Variants in METTL3 observed in about 807,000 individuals in gnomAD.
METTL3 encodes the protein methyltransferase 3, N6-adenosine-methyltransferase complex catalytic subunit.
A neutral mutation model predicts 64.3 loss-of-function variants in METTL3; 42 were observed. That is an observed-to-expected ratio of 0.65 (90% CI 0.51 to 0.84). METTL3 has a LOEUF of 0.84. Ranked by LOEUF, METTL3 falls within the 40% of genes least tolerant of loss-of-function variation. The probability of loss-of-function intolerance (pLI) is 0.00; values close to 1 mark genes in which losing one functional copy is unlikely to be tolerated. For missense variants in METTL3, 435 were observed against 722.3 expected (o/e 0.60, Z 4.56); for synonymous variants, 256 against 263.6 (o/e 0.97, Z 0.28).
chr14:21,499,951 AGAAC>A, intron 6 of METTL3, 149 bp from the exon 7 acceptor site: 1 of 721,934 alleles, frequency 1.4e-6, no homozygotes. Context: ...GGTGGATCTA[AGAAC>A]GAAAAGATAA....
intron 5 of METTL3, 83 bp from the exon 6 acceptor site, chr14:21,500,765 C>T (rs1001775762): frequency 2.4e-5 from 36 of 1,494,474 alleles, no homozygotes; most frequent in Non-Finnish European, 3.3e-5. Flanking sequence ...TTTGATTTTT[C>T]CTATTCCCTT....
intron 1 of METTL3, among the ~76,000 whole-genome samples, chr14:21,509,816 AT>A (rs1891788920): frequency 6.6e-6 from 1 of 152,244 alleles, no homozygotes; most frequent in Admixed American, 6.5e-5. Context: ...GTATCTATAA[AT>A]AAATCAATGA....
intron 9 of METTL3, 59 bp downstream of exon 9, chr14:21,499,247 A>C: frequency 1.2e-6 from 2 of 1,602,778 alleles, no homozygotes; most frequent in South Asian, 2.2e-5. Flanking sequence ...AATACACCCA[A>C]CATGAATAAC....
At chr14:21,510,950 G>A in intron 1 of METTL3, 174 bp downstream of exon 1, 1 of 699,158 alleles carries the variant, frequency 1.4e-6, no homozygotes. Flanking sequence ...GAGGAACCGC[G>A]AACTACTTGC....
At chr14:21,510,768 C>T (rs916352530) in intron 1 of METTL3, 15 of 243,496 alleles carry the variant, frequency 6.2e-5, no homozygotes, top group Non-Finnish European at 5.7e-5. Context: ...GGGAACAAAG[C>T]GCCAAAGCAG....
At position 21,503,232 on chromosome 14, in the gene METTL3, C is replaced by A. The variant is rs1891613703; in HGVS notation, c.664G>T (p.Asp222Tyr). 1 of 1,614,022 alleles carries A rather than the reference C, an allele frequency of 6.2e-7. No individual in the cohort carries two copies. The highest frequency in any genetic ancestry group is 8.5e-7 in the Non-Finnish European group (1 of 1,180,012). ...TTCAGAAGGCTCTCTATCTCCAGAT[C>A]AACATCTGAGGCAGCATGTTTCCTT... ...KSRKHAASDV[D>Y]LEIESLLNQQ... The change falls in exon 3 of 11, where the codon GAT becomes TAT. Residue 222 changes from aspartate (D) to tyrosine (Y), a missense_variant. Transcript: ENST00000298717.
chr14:21,500,975 C>T lies in METTL3; in HGVS notation c.1054G>A (p.Glu352Lys), dbSNP rs150090922. 23 of 1,614,136 alleles carry T rather than the reference C, an allele frequency of 1.4e-5. No homozygotes were observed. Among genetic ancestry groups the T allele is most frequent in the Non-Finnish European group, 1.8e-5 (21 of 1,180,014 alleles). The change falls in exon 5 of 11, where the codon GAG becomes AAG. Residue 352 changes from glutamate (E) to lysine (K), a missense_variant. This residue lies in a region of METTL3 where 67 missense variants were observed against 71.5 expected (regional missense o/e 0.94). Coordinates refer to ENST00000298717, the MANE Select transcript of METTL3 (RefSeq NM_019852.5). ...CCGACACTCTGTGTAAGAGCAAGCT[C>T]CTGGCTTGGCGTGTGGTCTTTGCTG... ...PGSKDHTPSQ[E>K]LALTQSVGGD...
chr14:21,511,256 A>C lies in METTL3; in HGVS notation c.-33T>G. The C allele has an allele frequency of 6.2e-7, 1 of 1,602,766 alleles. No homozygotes were observed. ...TCCCAGCCCTGACACCTCTCGAATA[A>C]GGCGCGGCGGACTAGCACCTCCCAG... is the stretch of plus-strand genomic sequence containing the variant. On this transcript the variant is annotated 5_prime_UTR_variant, in exon 1 of 11. Coordinates refer to ENST00000298717, the MANE Select transcript of METTL3 (RefSeq NM_019852.5).
Position 21,511,142 on chromosome 14 carries a change from G to A in METTL3, c.82C>T (p.Gln28Ter). The A allele has an allele frequency of 1.9e-6, 3 of 1,614,066 alleles. No individual in the cohort carries two copies. The highest frequency in any genetic ancestry group is 2.5e-6 in the Non-Finnish European group (3 of 1,179,992). The change falls in exon 1 of 11, where the codon CAG becomes TAG. Residue 28 changes from glutamine to a stop codon, truncating the protein, a stop_gained. Transcript: ENST00000298717. LOFTEE classifies it high-confidence loss of function. The stretch of plus-strand genomic sequence containing the variant: ...GCCTCACCCAAGTGCCCCGAGTCCT[G>A]CTTCCGCCTCCGCTGCAGCCTCTCC... ...LRERLQRRRKQDSGHLDLRNP... is the reference protein window; with the variant it reads ...LRERLQRRRK
At chr14:21,499,840 A>C (rs375954631) in intron 6 of METTL3, 38 bp from the exon 7 acceptor site, 1 of 1,601,572 alleles carries the variant, frequency 6.2e-7, no homozygotes, top group Non-Finnish European at 8.5e-7. Context: ...TTGTATGCCC[A>C]TATTTTTTTT....
intron 10 of METTL3, chr14:21,498,720 A>G: frequency 2.2e-6 from 1 of 462,188 alleles, no homozygotes; most frequent in Non-Finnish European, 3.9e-6. Flanking sequence ...GACAGATTAA[A>G]TAGATAACTT....
At chr14:21,504,267 A>G (rs2139646412) in intron 1 of METTL3, 1 of 199,462 alleles carries the variant, frequency 5.0e-6, no homozygotes, top group Non-Finnish European at 1.0e-5. Flanking sequence ...TTTTTGAGGC[A>G]TGTAGTGTGA....
intron 1 of METTL3, among the ~76,000 whole-genome samples, chr14:21,509,780 GA>G (rs1481412928): frequency 1.3e-5 from 2 of 151,890 alleles, no homozygotes; most frequent in Non-Finnish European, 1.5e-5. Flanking sequence ...AAGAATAGGG[GA>G]AAAAACATAA....
intron 4 of METTL3, chr14:21,501,395 T>G: frequency 1.8e-6 from 1 of 551,324 alleles, no homozygotes; most frequent in East Asian, 3.2e-5. Context: ...TAGAACAGAA[T>G]AAAACACTGA....
rs767338483 is a variant in METTL3, at chr14:21,503,753, C to G, written c.229G>C (p.Glu77Gln). 1 of 1,614,212 alleles carries G rather than the reference C, an allele frequency of 6.2e-7. No individual in the cohort carries two copies. The highest frequency in any genetic ancestry group is 1.1e-5 in the South Asian group (1 of 91,084). ...SAVPELATDPELEKKLLHHLS... is the reference protein window; with the variant it reads ...SAVPELATDPQLEKKLLHHLS... Reference sequence around the variant, plus strand: ...TGGTGTAGCAACTTCTTCTCTAACTCAGGATCTGTAGCTAATTCAGGAACT... The same window carrying G: ...TGGTGTAGCAACTTCTTCTCTAACTGAGGATCTGTAGCTAATTCAGGAACT... The change falls in exon 2 of 11, where the codon GAG (glutamate) becomes CAG (glutamine). Residue 77 changes from glutamate (E) to glutamine (Q), a missense_variant. By Grantham distance (29) the Glu-to-Gln change is conservative. Transcript: ENST00000298717.
chr14:21,498,574 T>C, intron 10 of METTL3: 1 of 595,212 alleles, frequency 1.7e-6, no homozygotes, highest in Non-Finnish European at 2.9e-6. Context: ...ACTGGATCTG[T>C]ATTATCTGAG....
Position 21,499,815 on chromosome 14 carries a change from G to A in METTL3, c.1305-13C>T. On this transcript the variant is annotated splice_polypyrimidine_tract_variant and intron_variant, in intron 6 of 10. Coordinates refer to ENST00000298717, the MANE Select transcript of METTL3 (RefSeq NM_019852.5). ...CAACTCCATGGCCCTAGAAAGAAATGAGTTAAACAACTATTTGTATGCCCA... is the reference window on the plus strand; with the variant it reads ...CAACTCCATGGCCCTAGAAAGAAATAAGTTAAACAACTATTTGTATGCCCA... 1 of 1,612,142 alleles carries A rather than the reference G, an allele frequency of 6.2e-7. No individual in the cohort carries two copies. Among genetic ancestry groups the A allele is most frequent in the Non-Finnish European group, 8.5e-7 (1 of 1,178,536 alleles).
intron 6 of METTL3, 129 bp downstream of exon 6, chr14:21,500,361 CAAAAA>C: frequency 2.3e-6 from 2 of 872,504 alleles, no homozygotes; most frequent in Middle Eastern, 3.6e-4. Context: ...GAGACTCTCT[CAAAAA>C]AAAAGAAAAA....
chr14:21,506,271 G>A (rs1193516172), intron 1 of METTL3, among the ~76,000 whole-genome samples: 1 of 151,972 alleles, frequency 6.6e-6, no homozygotes, highest in African/African-American at 2.4e-5. Context: ...GCGGGGTCTC[G>A]GCCGGGCGTG....
Sources: gnomAD v4.1 joint callset for allele counts (sites outside exome capture counted in the v4.1 genomes callset) on GRCh38, gnomAD v4.1.1 for gene constraint, gnomAD v4.1.1 regional missense constraint, MANE v1.5 for transcripts, NCBI Gene and HGNC (gene_info 2026-07-23, HGNC 2026-07-21) for gene names.